The following ABCA9 variants were observed in gnomAD, a reference collection of about 807,000 sequenced individuals.
ABCA9 encodes ATP-binding cassette sub-family A member 9.
Under a neutral mutation model 205.3 loss-of-function variants are expected in ABCA9, and 183 were observed. The observed-to-expected ratio is 0.89, with a 90% CI of 0.79 to 1.01. The LOEUF is 1.01. Ranked by LOEUF, ABCA9 falls within the 50% of genes least tolerant of loss-of-function variation. The pLI, the probability that ABCA9 is intolerant of heterozygous loss-of-function variation, is 0.00. For synonymous variants in ABCA9, 651 were observed against 683.3 expected, an observed-to-expected ratio of 0.95 and a Z score of 0.74; for missense variants, 1,805 against 1,912.4, an observed-to-expected ratio of 0.94 and a Z score of 1.05.
intron 3 of ABCA9, among the ~76,000 whole-genome samples, chr17:69,047,566 G>C (rs998696329): frequency 7.2e-5 from 11 of 151,956 alleles, no homozygotes; most frequent in African/African-American, 2.7e-4. Context: ...CCAAGAGCAG[G>C]GAGGAGAAAA....
At chr17:68,996,352 A>G (rs1422227568) in intron 25 of ABCA9, among the ~76,000 whole-genome samples, 3 of 152,220 alleles carry the variant, frequency 2.0e-5, no homozygotes, top group African/African-American at 7.2e-5. Context: ...GTTCATAGAC[A>G]TCCTTTTAGG....
chr17:69,061,239 A>G (rs1319022699), upstream of ABCA9: 2 of 772,994 alleles, frequency 2.6e-6, no homozygotes, highest in Non-Finnish European at 3.1e-6. Flanking sequence ...CTAATGGGAG[A>G]GTTGACCCCA....
At chr17:68,981,859 A>AG (rs2069064903) in intron 37 of ABCA9, among the ~76,000 whole-genome samples, 1 of 150,762 alleles carries the variant, frequency 6.6e-6, no homozygotes, top group African/African-American at 2.4e-5. Context: ...AAAAAAAAAA[A>AG]AGCTAGGATG....
intron 6 of ABCA9, 58 bp downstream of exon 6, chr17:69,043,431 C>T: frequency 7.1e-7 from 1 of 1,404,282 alleles, no homozygotes; most frequent in Non-Finnish European, 9.6e-7. Flanking sequence ...AAGGAGTCAA[C>T]CAGCTAAGTT....
intron 37 of ABCA9, among the ~76,000 whole-genome samples, chr17:68,976,473 C>T (rs981726371): frequency 4.6e-5 from 7 of 152,186 alleles, no homozygotes; most frequent in African/African-American, 1.7e-4. Flanking sequence ...ACCCTCTGTG[C>T]TAGACGATGA....
rs748745122 is a variant in ABCA9, at chr17:68,983,798, C to T, written c.4551G>A (p.Leu1517=). 6 of 1,614,170 alleles carry T rather than the reference C, an allele frequency of 3.7e-6. No homozygotes were observed. The Admixed American group carries it at 8.3e-5, about 22-fold the overall frequency. ...CCAGGTTCTTCAGCTTCATCTCCAG[C>T]AGGTAGTCTTTGCCAAATTTGCTTT... ...HLKSKFGKDY[L]LEMKLKNLAQ... Residue 1517 remains leucine (L), a synonymous_variant, in exon 36 of 39, where the codon CTG becomes CTA. Coordinates refer to ENST00000340001, the MANE Select transcript of ABCA9 (RefSeq NM_080283.4).
Position 69,021,700 on chromosome 17 carries a change from T to TTCCTTC in ABCA9, c.2401+41_2401+42insGAAGGA, listed in dbSNP as rs754672950. ...TTCGTCCTTCCTTCCTTCCTTCCTT[T>TTCCTTC]CTTTCTTTCTCCCTTTCTTTCTCTT... is the stretch of plus-strand genomic sequence containing the variant. On this transcript the variant is annotated intron_variant, in intron 18 of 38. Transcript: ENST00000340001. 6.4e-6 allele frequency: 8 copies of TTCCTTC among 1,243,866 alleles called. No homozygotes were observed. In the African/African-American group the frequency reaches 1.3e-4, roughly 21 times the overall value. The allele number at this position is 1,243,866 out of a possible 1,614,324, so 77.1% of individuals were successfully genotyped here.
chr17:68,984,798 TTCCTTTC>T, intron 34 of ABCA9, 80 bp downstream of exon 34: 5 of 1,559,648 alleles, frequency 3.2e-6, no homozygotes, highest in Non-Finnish European at 4.4e-6. Context: ...ACTGTGTCTT[TTCCTTTC>T]TAAGTAAACA....
chr17:69,035,420 A>G lies in ABCA9; in HGVS notation c.954T>C (p.Ala318=). 2 of 1,576,014 alleles carry G rather than the reference A, an allele frequency of 1.3e-6. No individual in the cohort carries two copies. Among genetic ancestry groups the G allele is most frequent in the Non-Finnish European group, 1.7e-6 (2 of 1,165,602 alleles). The change falls in exon 8 of 39, where the codon GCT becomes GCC. Residue 318 remains alanine, a synonymous_variant. Transcript: ENST00000340001. The part of the protein sequence containing the change: ...LLYGLSLITL[A]FLMSVLIKKP... ...TCTTTATCAACACACTCATCAGGAA[A>G]GCTAAAGTTATCTGAGAAAAGAGAA...
intron 31 of ABCA9, among the ~76,000 whole-genome samples, chr17:68,988,247 T>A (rs1387514588): frequency 2.0e-5 from 3 of 152,234 alleles, no homozygotes; most frequent in Admixed American, 2.0e-4. Flanking sequence ...TCCTTTGGCT[T>A]CTGTCCATCA....
At chr17:68,990,723 G>A (rs2069421434) in intron 29 of ABCA9, 114 bp downstream of exon 29, 15 of 1,279,998 alleles carry the variant, frequency 1.2e-5, no homozygotes, top group South Asian at 2.7e-5. Context: ...GTAATAAGCT[G>A]TATGTGTAAG....
chr17:69,072,746 C>A, the ABCA9 span, among the ~76,000 whole-genome samples: 123 of 151,966 alleles, frequency 8.1e-4, no homozygotes, highest in Non-Finnish European at 1.5e-3. Flanking sequence ...TCACACATAA[C>A]AATATTAACC....
intron 36 of ABCA9, among the ~76,000 whole-genome samples, chr17:68,983,144 A>T (rs1335345646): frequency 1.3e-5 from 2 of 152,208 alleles, no homozygotes; most frequent in African/African-American, 4.8e-5. Context: ...TACTAAGAGG[A>T]GGAATGAAAG....
intron 23 of ABCA9, chr17:69,011,683 ATGTGATTATGTC>A (rs943534602): frequency 1.8e-4 from 46 of 250,482 alleles, no homozygotes; most frequent in Admixed American, 1.2e-3. Flanking sequence ...GAGAGATGAG[ATGTGATTATGTC>A]TGTGAGTAAG....
intron 6 of ABCA9, 124 bp downstream of exon 6, chr17:69,043,365 T>A: frequency 1.5e-6 from 1 of 683,570 alleles, no homozygotes; most frequent in Non-Finnish European, 2.4e-6. Context: ...GCCTGGTACC[T>A]AACTGGCCAT....
chr17:69,065,660 C>T (rs914617519), upstream of ABCA9, among the ~76,000 whole-genome samples: 1 of 152,286 alleles, frequency 6.6e-6, no homozygotes, highest in East Asian at 1.9e-4. Flanking sequence ...GTGACTACAA[C>T]TATCTGCTCA....
the ABCA9 span, among the ~76,000 whole-genome samples, chr17:69,069,869 C>T: frequency 6.6e-6 from 1 of 152,052 alleles, no homozygotes; most frequent in East Asian, 1.9e-4. Flanking sequence ...TATACTATAT[C>T]TGATGTTGGT....
upstream of ABCA9, among the ~76,000 whole-genome samples, chr17:69,062,693 A>C (rs9789039): frequency 0.29 from 44,546 of 151,706 alleles, 6,963 homozygotes; most frequent in East Asian, 0.64. Flanking sequence ...GTGTGTTTTT[A>C]GTAGAGAAGG....
At chr17:69,075,412 A>C in the ABCA9 span, among the ~76,000 whole-genome samples, 1 of 152,156 alleles carries the variant, frequency 6.6e-6, no homozygotes. Flanking sequence ...TCTTGAGTTA[A>C]ATTTTGTATA....
Sources: allele counts gnomAD v4.1 joint callset (sites outside exome capture counted in the v4.1 genomes callset), GRCh38; gene constraint gnomAD v4.1.1; transcripts MANE v1.5; gene names NCBI Gene and HGNC (gene_info 2026-07-23, HGNC 2026-07-21).